The following DENND1B variants were observed in gnomAD, a reference collection of about 807,000 sequenced individuals.
The protein encoded by DENND1B is DENN domain containing 1B.
DENND1B carries 59 observed loss-of-function variants against 90.1 expected under a neutral mutation model. That is an observed-to-expected ratio of 0.65 (90% CI 0.53 to 0.81). DENND1B has a LOEUF of 0.81. Ranked by LOEUF, DENND1B falls within the 40% of genes least tolerant of loss-of-function variation. The probability of loss-of-function intolerance (pLI) is 0.00; values close to 1 mark genes in which losing one functional copy is unlikely to be tolerated. For synonymous variants in DENND1B, 337 were observed against 324.6 expected (o/e 1.04, Z -0.41); for missense variants, 862 against 912.6 (o/e 0.94, Z 0.71).
chr1:197,555,926 T>A (rs1671677535), intron 15 of DENND1B, among the ~76,000 whole-genome samples: 1 of 152,086 alleles, frequency 6.6e-6, no homozygotes, highest in Non-Finnish European at 1.5e-5. Flanking sequence ...CCGGCACTAT[T>A]GACATAGCAA....
intron 15 of DENND1B, among the ~76,000 whole-genome samples, chr1:197,557,167 A>G (rs1671785681): frequency 6.6e-6 from 1 of 152,002 alleles, no homozygotes; most frequent in African/African-American, 2.4e-5. Flanking sequence ...TTTGACTTGC[A>G]CACATTTGTA....
intron 1 of DENND1B, among the ~76,000 whole-genome samples, chr1:197,773,896 T>C (rs1383167660): frequency 6.6e-6 from 1 of 152,226 alleles, no homozygotes; most frequent in Non-Finnish European, 1.5e-5. Context: ...CTTTGTACAT[T>C]GGCTGTATTT....
chr1:197,570,524 C>A (rs1356656312), intron 15 of DENND1B, among the ~76,000 whole-genome samples: 1 of 151,926 alleles, frequency 6.6e-6, no homozygotes. Flanking sequence ...AATAAAATTA[C>A]ATAAACATTT....
chr1:197,625,102 T>C (rs1678547923), intron 10 of DENND1B, among the ~76,000 whole-genome samples: 2 of 151,732 alleles, frequency 1.3e-5, no homozygotes, highest in African/African-American at 4.8e-5. Flanking sequence ...TGCAGGATAT[T>C]ATCCAGAATT....
chr1:197,638,318 GAATTTACTA>G (rs1679969755), intron 10 of DENND1B, among the ~76,000 whole-genome samples: 4 of 152,152 alleles, frequency 2.6e-5, no homozygotes, highest in Admixed American at 2.6e-4. Context: ...TTCTGAGGGT[GAATTTACTA>G]ACTAAATAAT....
chr1:197,574,158 T>A (rs574454907), intron 15 of DENND1B, among the ~76,000 whole-genome samples: 1 of 152,294 alleles, frequency 6.6e-6, no homozygotes, highest in Admixed American at 6.5e-5. Flanking sequence ...ATTGTCCCTA[T>A]TTGCAGATGA....
chr1:197,779,134 C>T (rs972437669), upstream of DENND1B, among the ~76,000 whole-genome samples: 1 of 152,068 alleles, frequency 6.6e-6, no homozygotes, highest in African/African-American at 2.4e-5. Context: ...AAATTCTTTC[C>T]CTTTTTGTTT....
At chr1:197,780,450 C>T (rs528282365), upstream of DENND1B, among the ~76,000 whole-genome samples, 9 of 151,976 alleles carry the variant, frequency 5.9e-5, no homozygotes, top group East Asian at 9.7e-4. Context: ...CTCAGCCTCC[C>T]GAGTAGCTGG....
At chr1:197,768,235 CTTCCTCCTCCTCCTCCCT>C (rs1439098077) in intron 2 of DENND1B, among the ~76,000 whole-genome samples, 9 of 151,602 alleles carry the variant, frequency 5.9e-5, no homozygotes, top group African/African-American at 1.2e-4. Flanking sequence ...TCCTCCTTCT[CTTCCTCCTCCTCCTCCCT>C]TTCCTCCTCC....
intron 20 of DENND1B, among the ~76,000 whole-genome samples, chr1:197,526,429 A>G (rs564694496): frequency 1.3e-5 from 2 of 152,276 alleles, no homozygotes; most frequent in Non-Finnish European, 2.9e-5. Flanking sequence ...CAAACAAAAA[A>G]GGCAACAGGG....
intron 15 of DENND1B, among the ~76,000 whole-genome samples, chr1:197,576,988 G>A (rs995095259): frequency 8.5e-5 from 13 of 152,080 alleles, no homozygotes; most frequent in Admixed American, 2.0e-4. Context: ...TGGAGAGCCC[G>A]TAAGTTTATA....
At chr1:197,515,150 C>T (rs1044043007) in intron 20 of DENND1B, among the ~76,000 whole-genome samples, 3 of 151,660 alleles carry the variant, frequency 2.0e-5, no homozygotes, top group African/African-American at 7.3e-5. Context: ...CCCTACTCCA[C>T]TCCCTTTATG....
intron 14 of DENND1B, among the ~76,000 whole-genome samples, chr1:197,593,528 A>AT (rs998007444): frequency 6.6e-6 from 1 of 151,462 alleles, no homozygotes. Flanking sequence ...GGCTTTCAAG[A>AT]TTTTTTTTTA....
At chr1:197,578,955 G>C (rs1418425929) in intron 15 of DENND1B, among the ~76,000 whole-genome samples, 1 of 151,946 alleles carries the variant, frequency 6.6e-6, no homozygotes, top group East Asian at 1.9e-4. Context: ...GTAGAAACAG[G>C]GTTTCACTAT....
At chr1:197,701,531 C>G (rs898856786) in intron 3 of DENND1B, among the ~76,000 whole-genome samples, 12 of 151,186 alleles carry the variant, frequency 7.9e-5, no homozygotes, top group Non-Finnish European at 1.5e-4. Context: ...AGGTTCTGTA[C>G]TTGTATCCCC....
chr1:197,736,225 A>G (rs1259596378), intron 2 of DENND1B: 1 of 417,632 alleles, frequency 2.4e-6, no homozygotes, highest in Non-Finnish European at 4.4e-6. Flanking sequence ...TTTAAGCTGC[A>G]GATTCCAACT....
intron 20 of DENND1B, among the ~76,000 whole-genome samples, chr1:197,522,925 C>G (rs6664896): frequency 0.026 from 4,013 of 152,228 alleles, 181 homozygotes; most frequent in African/African-American, 0.09. Flanking sequence ...CATGGGCTAA[C>G]ATGTCAGCTT....
chr1:197,604,580 T>C (rs1468035007), intron 13 of DENND1B, among the ~76,000 whole-genome samples: 1 of 151,162 alleles, frequency 6.6e-6, no homozygotes, highest in East Asian at 1.9e-4. Flanking sequence ...TACACATGCA[T>C]AGAAAGTCAA....
At chr1:197,594,860 T>C (rs1675548219) in intron 14 of DENND1B, among the ~76,000 whole-genome samples, 1 of 152,254 alleles carries the variant, frequency 6.6e-6, no homozygotes, top group Non-Finnish European at 1.5e-5. Flanking sequence ...ATAAGCCCAA[T>C]TGTCTTGTGA....
Sources: allele counts gnomAD v4.1 joint callset (sites outside exome capture counted in the v4.1 genomes callset), GRCh38; gene constraint gnomAD v4.1.1; transcripts MANE v1.5; gene names NCBI Gene and HGNC (gene_info 2026-07-23, HGNC 2026-07-21).